UBE2W: variants seen among roughly 807,000 people sequenced by gnomAD.
UBE2W encodes ubiquitin conjugating enzyme E2 W.
In UBE2W, 18 loss-of-function variants were observed where a neutral mutation model predicts 27.2. The ratio of observed to expected loss-of-function variants is 0.66; its 90% CI spans 0.46 to 0.98. The LOEUF (loss-of-function observed/expected upper bound fraction) is 0.98. Ranked by LOEUF, UBE2W falls within the 50% of genes least tolerant of loss-of-function variation. UBE2W has a pLI of 0.00. For missense variants in UBE2W, 90 were observed against 180.2 expected (o/e 0.50, Z 2.87); for synonymous variants, 53 against 57.2 (o/e 0.93, Z 0.33).
At chr8:73,825,525 C>T (rs545484896) in intron 2 of UBE2W, among the ~76,000 whole-genome samples, 3 of 152,270 alleles carry the variant, frequency 2.0e-5, no homozygotes, top group Non-Finnish European at 2.9e-5. Context: ...AACCCAAGGC[C>T]GGGTGTGGTG....
intron 3 of UBE2W, among the ~76,000 whole-genome samples, chr8:73,817,317 A>C (rs1809434400): frequency 6.6e-6 from 1 of 152,138 alleles, no homozygotes; most frequent in African/African-American, 2.4e-5. Context: ...GACAGGGCGC[A>C]ACTCCATCTC....
Position 73,805,673 on chromosome 8 carries a change from C to T in UBE2W, c.420G>A (p.Lys140=). The change falls in exon 5 of 6, where the codon AAG becomes AAA. Residue 140 remains lysine, a synonymous_variant. Transcript: ENST00000602593. ...TACCATGATACCACCATTTTGTTTT[C>T]TTTGGATTCTTGTTACATGTTCGCA... is the stretch of plus-strand genomic sequence containing the variant. ...FYVRTCNKNP[K]KTKWWYHDDT... 1.3e-6 allele frequency: 2 copies of T among 1,546,306 alleles called. No individual in the cohort carries two copies. Among genetic ancestry groups the T allele is most frequent in the Non-Finnish European group, 1.8e-6 (2 of 1,141,676 alleles).
At chr8:73,818,158 CTTCAG>C (rs1809470318) in intron 3 of UBE2W, among the ~76,000 whole-genome samples, 1 of 152,244 alleles carries the variant, frequency 6.6e-6, no homozygotes, top group African/African-American at 2.4e-5. Flanking sequence ...ACAATTCACA[CTTCAG>C]TTGTCTGTAC....
intron 4 of UBE2W, among the ~76,000 whole-genome samples, chr8:73,780,914 G>A (rs900460261): frequency 2.0e-5 from 3 of 152,182 alleles, no homozygotes; most frequent in Non-Finnish European, 2.9e-5. Flanking sequence ...GGTGATCAGG[G>A]TGATCGCTTC....
At chr8:73,780,495 T>G in exon 5 of UBE2W, 1 of 453,554 alleles carries the variant, frequency 2.2e-6, no homozygotes, top group Non-Finnish European at 4.4e-6. Flanking sequence ...CCGTAATAGA[T>G]AGTATGAAGG....
intron 5 of UBE2W, among the ~76,000 whole-genome samples, chr8:73,803,709 C>T (rs1808744021): frequency 6.6e-6 from 1 of 151,764 alleles, no homozygotes; most frequent in Non-Finnish European, 1.5e-5. Flanking sequence ...GATATTACCC[C>T]AAATTTTCAC....
rs1209421242 is a variant in UBE2W at position 73,791,062 on chromosome 8, C to G, written c.*3040G>C. Reference sequence around the variant, plus strand: ...AGGTGAACTGCTGACTATATAGAAGCTATTTCCAGCACTTTCTTCTGGGGA... The same window carrying G: ...AGGTGAACTGCTGACTATATAGAAGGTATTTCCAGCACTTTCTTCTGGGGA... On this transcript the variant is annotated 3_prime_UTR_variant, in exon 6 of 6. Coordinates refer to ENST00000602593, the MANE Select transcript of UBE2W (RefSeq NM_018299.6). 3 of 984,678 alleles carry G rather than the reference C, an allele frequency of 3.0e-6. No homozygotes were observed. The Admixed American group carries it at 1.8e-4, about 61-fold the overall frequency. 61.0% of individuals were successfully genotyped at this position (984,678 alleles called of 1,614,324 possible).
At chr8:73,848,834 A>C (rs1415374255) in intron 1 of UBE2W, among the ~76,000 whole-genome samples, 1 of 152,206 alleles carries the variant, frequency 6.6e-6, no homozygotes, top group African/African-American at 2.4e-5. Context: ...AGGTGTATTC[A>C]CTTTGTGAAT....
At chr8:73,818,559 G>A (rs960822023) in intron 3 of UBE2W, among the ~76,000 whole-genome samples, 1 of 152,170 alleles carries the variant, frequency 6.6e-6, no homozygotes, top group African/African-American at 2.4e-5. Context: ...TATAATCTGT[G>A]ATGACCGCTC....
At chr8:73,819,647 T>C (rs750279279) in intron 3 of UBE2W, among the ~76,000 whole-genome samples, 2 of 152,260 alleles carry the variant, frequency 1.3e-5, no homozygotes, top group Non-Finnish European at 2.9e-5. Flanking sequence ...CAAGCAGTGA[T>C]GAAAAGATGC....
intron 1 of UBE2W, among the ~76,000 whole-genome samples, chr8:73,839,143 C>T (rs905278703): frequency 2.6e-5 from 4 of 152,038 alleles, no homozygotes; most frequent in South Asian, 2.1e-4. Flanking sequence ...CACCCTCCAC[C>T]GGTAACAAAT....
At chr8:73,853,683 T>G (rs76517654) in intron 1 of UBE2W, among the ~76,000 whole-genome samples, 1 of 152,172 alleles carries the variant, frequency 6.6e-6, no homozygotes, top group East Asian at 1.9e-4. Flanking sequence ...CAGATTGTTA[T>G]TGAAAGAACA....
In UBE2W at chr8:73,825,242, C is replaced by T; in HGVS notation, c.115G>A (p.Val39Ile). The change falls in exon 3 of 6, where the codon GTA becomes ATA. Residue 39 changes from valine (V) to isoleucine (I), a missense_variant. By Grantham distance (29) the Val-to-Ile change is conservative. Transcript: ENST00000602593. The stretch of plus-strand genomic sequence containing the variant: ...GTACCTGGTGCACCTTCCATGTCTA[C>T]AATCCACCTAGAATAGAAAAGGCAA... ...SVQNSITQWI[V>I]DMEGAPGTLY... 6.4e-7 allele frequency: 1 copy of T among 1,556,478 alleles called. No homozygotes were observed. Among genetic ancestry groups the T allele is most frequent in the Non-Finnish European group, 8.7e-7 (1 of 1,149,720 alleles).
chr8:73,786,858 A>C lies in UBE2W; in HGVS notation c.*7244T>G. Reference sequence around the variant, plus strand: ...CATTGCTTGATTAAGTTGGATGGGAATGTCATTAAATTATAACAGGATAAA... The same window carrying C: ...CATTGCTTGATTAAGTTGGATGGGACTGTCATTAAATTATAACAGGATAAA... On this transcript the variant is annotated 3_prime_UTR_variant, in exon 6 of 6. Transcript: ENST00000602593. 2.0e-6 allele frequency: 2 copies of C among 985,418 alleles called. No homozygotes were observed. Among genetic ancestry groups the C allele is most frequent in the Non-Finnish European group, 2.4e-6 (2 of 829,910 alleles). 61.0% of individuals were successfully genotyped at this position (985,418 alleles called of 1,614,324 possible).
chr8:73,851,285 T>C (rs1811066935), intron 1 of UBE2W, among the ~76,000 whole-genome samples: 2 of 151,956 alleles, frequency 1.3e-5, no homozygotes, highest in African/African-American at 4.8e-5. Context: ...AGGTGTTTGT[T>C]AGGAGAAACT....
intron 5 of UBE2W, chr8:73,795,766 T>C (rs1157972162): frequency 1.0e-6 from 1 of 983,360 alleles, no homozygotes; most frequent in East Asian, 1.1e-4. Flanking sequence ...AAACAAGTAG[T>C]TTATATCCTC....
chr8:73,828,019 T>A (rs540293204), intron 2 of UBE2W, among the ~76,000 whole-genome samples: 102 of 152,332 alleles, frequency 6.7e-4, no homozygotes, highest in African/African-American at 2.3e-3. Context: ...GGCAGCCCAG[T>A]AGCTGCATTT....
At chr8:73,872,878 A>C (rs577633610) in intron 1 of UBE2W, among the ~76,000 whole-genome samples, 1 of 151,970 alleles carries the variant, frequency 6.6e-6, no homozygotes, top group Non-Finnish European at 1.5e-5. Context: ...TTTACTGTTC[A>C]AAGATAATCC....
At position 73,800,123 on chromosome 8, in the gene UBE2W, G is replaced by T. The variant is rs140565368; in HGVS notation, c.442+5528C>A. On this transcript the variant is annotated intron_variant, in intron 5 of 5. Transcript: ENST00000602593. ...TCTGATATATATAAAGGAGAAGACA[G>T]TATGTGCTACACAGCTGAAATGCAT... 9.2e-5 allele frequency among the ~76,000 whole-genome samples: 14 copies of T among 152,264 alleles called. No homozygotes were observed. The East Asian group carries it at 2.7e-3, about 29-fold the overall frequency.
Sources: gnomAD v4.1 joint callset for allele counts (sites outside exome capture counted in the v4.1 genomes callset) on GRCh38, gnomAD v4.1.1 for gene constraint, MANE v1.5 for transcripts, NCBI Gene and HGNC (gene_info 2026-07-23, HGNC 2026-07-21) for gene names.